The following PTPN3 variants were observed in gnomAD, a reference collection of about 807,000 sequenced individuals.
PTPN3 encodes tyrosine-protein phosphatase non-receptor type 3.
A neutral mutation model predicts 132.7 loss-of-function variants in PTPN3; 96 were observed. That is an observed-to-expected ratio of 0.72 (90% CI 0.61 to 0.86). The LOEUF (loss-of-function observed/expected upper bound fraction) is 0.86. Among genes scored for constraint, PTPN3 ranks in the 40% least tolerant of loss-of-function variants. The probability of loss-of-function intolerance (pLI) is 0.00; values close to 1 mark genes in which losing one functional copy is unlikely to be tolerated. For synonymous variants in PTPN3, 398 were observed against 429.0 expected (o/e 0.93, Z 0.89); for missense variants, 1,125 against 1,159.6 (o/e 0.97, Z 0.43).
intron 1 of PTPN3, among the ~76,000 whole-genome samples, chr9:109,486,655 G>T (rs1249143767): frequency 1.3e-5 from 2 of 152,162 alleles, no homozygotes; most frequent in Non-Finnish European, 2.9e-5. Flanking sequence ...CACTCATGAG[G>T]AGTTGTGCAG....
At chr9:109,521,510 C>T in the PTPN3 span, among the ~76,000 whole-genome samples, 1 of 152,170 alleles carries the variant, frequency 6.6e-6, no homozygotes, top group Non-Finnish European at 1.5e-5. Flanking sequence ...CCTCTGCCTG[C>T]AACATGTCCC....
At chr9:109,454,029 A>T (rs1459846264) in intron 5 of PTPN3, among the ~76,000 whole-genome samples, 2 of 152,140 alleles carry the variant, frequency 1.3e-5, no homozygotes, top group Non-Finnish European at 2.9e-5. Context: ...AAAAAAAAAG[A>T]AAGAAAATTC....
chr9:109,507,180 G>A, the PTPN3 span, among the ~76,000 whole-genome samples: 1 of 152,168 alleles, frequency 6.6e-6, no homozygotes, highest in Non-Finnish European at 1.5e-5. Context: ...TGGAACAGAA[G>A]AGAGCTTTTG....
rs931022984 is a variant in PTPN3, at chr9:109,377,282, T to C, written c.*2274A>G. ...TCCTCTCATAAAAACCCAGTTAGGC[T>C]GGGCACAGTGGCTCACGCCTATAAT... On this transcript the variant is annotated 3_prime_UTR_variant, in exon 26 of 26. Coordinates refer to ENST00000374541, the MANE Select transcript of PTPN3 (RefSeq NM_002829.4). 17 of 152,144 alleles carry C rather than the reference T, an allele frequency of 1.1e-4. No individual in the cohort carries two copies. Among genetic ancestry groups the C allele is most frequent in the African/African-American group, 4.1e-4 (17 of 41,420 alleles). The allele number at this position is 152,144 out of a possible 1,614,324, so 9.4% of individuals were successfully genotyped here.
At chr9:109,419,866 C>T (rs567558310) in intron 14 of PTPN3, among the ~76,000 whole-genome samples, 75 of 151,990 alleles carry the variant, frequency 4.9e-4, no homozygotes, top group African/African-American at 1.8e-3. Context: ...GTTAAAAAAG[C>T]GGGGTGGGGG....
chr9:109,418,677 G>A (rs1049111689), intron 14 of PTPN3, among the ~76,000 whole-genome samples: 4 of 152,234 alleles, frequency 2.6e-5, no homozygotes, highest in Admixed American at 6.5e-5. Flanking sequence ...CCAAGATGGA[G>A]GCCAACACTC....
At chr9:109,505,842 C>T in the PTPN3 span, among the ~76,000 whole-genome samples, 971 of 151,604 alleles carry the variant, frequency 6.4e-3, 11 homozygotes, top group African/African-American at 0.022. Flanking sequence ...CTCTGCCTCC[C>T]GGGTTCATGC....
rs1838765685 is a variant in PTPN3 at position 109,378,574 on chromosome 9, G to C, written c.*982C>G. 1.3e-5 allele frequency: 2 copies of C among 152,594 alleles called. No individual in the cohort carries two copies. Among genetic ancestry groups the C allele is most frequent in the South Asian group, 4.1e-4 (2 of 4,824 alleles). 9.5% of individuals were successfully genotyped at this position (152,594 alleles called of 1,614,324 possible). ...GCACACACATGTACACAGCCCCACG[G>C]CCAACCCTCCAGAAGCTGGGTTTCC... On this transcript the variant is annotated 3_prime_UTR_variant, in exon 26 of 26. Coordinates refer to ENST00000374541, the MANE Select transcript of PTPN3 (RefSeq NM_002829.4).
chr9:109,485,118 A>C (rs1256226453), intron 1 of PTPN3, among the ~76,000 whole-genome samples: 2 of 152,166 alleles, frequency 1.3e-5, no homozygotes, highest in Non-Finnish European at 2.9e-5. Flanking sequence ...AATCCCAGCT[A>C]CTTGGGAGGC....
the PTPN3 span, among the ~76,000 whole-genome samples, chr9:109,535,850 T>G: frequency 1.3e-5 from 2 of 152,134 alleles, no homozygotes; most frequent in Non-Finnish European, 1.5e-5. Context: ...TTTCTTTCTT[T>G]CTCTTTTTAA....
the PTPN3 span, among the ~76,000 whole-genome samples, chr9:109,516,438 G>A: frequency 2.0e-5 from 3 of 152,194 alleles, no homozygotes; most frequent in Non-Finnish European, 2.9e-5. Flanking sequence ...CAGGCAGGGA[G>A]GAGTTGACCA....
In PTPN3 at chr9:109,438,023, A is replaced by G. The variant is rs1844182609; in HGVS notation, c.587+91T>C. 16 of 1,401,384 alleles carry G rather than the reference A, an allele frequency of 1.1e-5. No homozygotes were observed. The East Asian group carries it at 3.1e-4, about 27-fold the overall frequency. 86.8% of individuals were successfully genotyped at this position (1,401,384 alleles called of 1,614,324 possible). On this transcript the variant is annotated intron_variant, in intron 8 of 25. Transcript: ENST00000374541. ...CATCTTGAAAGAGGATTCATGCACA[A>G]AAGAAAGAGGCTGCATCAAACACAA...
chr9:109,533,762 C>G, the PTPN3 span: 1 of 1,364,408 alleles, frequency 7.3e-7, no homozygotes, highest in Non-Finnish European at 1.0e-6. Flanking sequence ...GAACCTTCAC[C>G]TGCTGTAGGG....
At chr9:109,508,523 C>T in the PTPN3 span, among the ~76,000 whole-genome samples, 1 of 152,248 alleles carries the variant, frequency 6.6e-6, no homozygotes, top group Non-Finnish European at 1.5e-5. Flanking sequence ...AATGTGTGTG[C>T]CCCTTTCAGA....
At chr9:109,428,767 T>C in intron 10 of PTPN3, 83 bp from the exon 11 acceptor site, 1 of 1,520,930 alleles carries the variant, frequency 6.6e-7, no homozygotes, top group Non-Finnish European at 8.8e-7. Context: ...GCATGTCCTT[T>C]ACTCCATGAT....
intron 7 of PTPN3, among the ~76,000 whole-genome samples, chr9:109,440,523 T>C (rs1588431151): frequency 6.6e-6 from 1 of 152,290 alleles, no homozygotes; most frequent in South Asian, 2.1e-4. Flanking sequence ...CAGTTAGTGC[T>C]CCTACCACCC....
At chr9:109,531,262 C>T in the PTPN3 span, among the ~76,000 whole-genome samples, 7 of 152,286 alleles carry the variant, frequency 4.6e-5, no homozygotes, top group South Asian at 1.2e-3. Context: ...TAGCTTTTCC[C>T]ACCCCCATTC....
chr9:109,438,338 AT>A, intron 7 of PTPN3, 104 bp from the exon 8 acceptor site: 2 of 1,280,362 alleles, frequency 1.6e-6, no homozygotes, highest in East Asian at 2.4e-5. Context: ...TTAATTAGAA[AT>A]ACTCTTCTGG....
chr9:109,515,147 T>C, the PTPN3 span, among the ~76,000 whole-genome samples: 1 of 152,136 alleles, frequency 6.6e-6, no homozygotes, highest in Non-Finnish European at 1.5e-5. Context: ...TTCAGCCTAC[T>C]GAGTAGCTGG....
Sources: gnomAD v4.1 joint callset for allele counts (sites outside exome capture counted in the v4.1 genomes callset) on GRCh38, gnomAD v4.1.1 for gene constraint, MANE v1.5 for transcripts, NCBI Gene and HGNC (gene_info 2026-07-23, HGNC 2026-07-21) for gene names.